Variants in BMPR1B observed in about 807,000 individuals in gnomAD.
BMPR1B encodes bone morphogenetic protein receptor type-1B.
A neutral mutation model predicts 59.1 loss-of-function variants in BMPR1B; 12 were observed. The observed-to-expected ratio is 0.20, with a 90% CI of 0.13 to 0.33. BMPR1B has a LOEUF of 0.33. Ranked by LOEUF, BMPR1B falls within the 10% of genes least tolerant of loss-of-function variation. BMPR1B has a pLI of 1.00. For synonymous variants in BMPR1B, 237 were observed against 207.3 expected (o/e 1.14, Z -1.23); for missense variants, 550 against 610.9 (o/e 0.90, Z 1.05).
intron 3 of BMPR1B, among the ~76,000 whole-genome samples, chr4:95,000,143 T>A (rs1287497357): frequency 6.6e-6 from 1 of 152,162 alleles, no homozygotes; most frequent in Non-Finnish European, 1.5e-5. Flanking sequence ...ATTTAATTAT[T>A]TTTACTTTAG....
chr4:94,837,056 A>G (rs948845027), intron 1 of BMPR1B, among the ~76,000 whole-genome samples: 18 of 143,472 alleles, frequency 1.3e-4, no homozygotes, highest in Non-Finnish European at 1.8e-4. Context: ...TTTGTCAAAG[A>G]TCAGATAGTT....
chr4:94,972,732 C>T (rs1730860408), intron 2 of BMPR1B, among the ~76,000 whole-genome samples: 1 of 152,052 alleles, frequency 6.6e-6, no homozygotes, highest in South Asian at 2.1e-4. Context: ...CTGGATATAA[C>T]TGTTTCTGGA....
intron 2 of BMPR1B, among the ~76,000 whole-genome samples, chr4:94,944,937 C>T (rs1729653665): frequency 6.6e-6 from 1 of 152,108 alleles, no homozygotes; most frequent in Admixed American, 6.5e-5. Flanking sequence ...CTTTTGTGAG[C>T]TTTACATTAT....
At position 95,135,201 on chromosome 4, in the gene BMPR1B, G is replaced by A. The variant is rs184907012; in HGVS notation, c.1076+3689G>A. 2.5e-3 allele frequency among the ~76,000 whole-genome samples: 376 copies of A among 152,208 alleles called. 2 individuals carry two copies. The highest frequency in any genetic ancestry group is 3.9e-3 in the Non-Finnish European group (268 of 68,014). On this transcript the variant is annotated intron_variant, in intron 10 of 12. Coordinates refer to ENST00000515059, the MANE Select transcript of BMPR1B (RefSeq NM_001203.3). The stretch of plus-strand genomic sequence containing the variant: ...GTGTGGTATTATTTCTGAGGCCTCT[G>A]TTCTGTTCCATTGGTCTATATCTCT...
intron 2 of BMPR1B, among the ~76,000 whole-genome samples, chr4:94,885,862 C>T (rs1167698270): frequency 6.6e-6 from 1 of 152,130 alleles, no homozygotes; most frequent in African/African-American, 2.4e-5. Context: ...GCCCTGGTCA[C>T]ACAATCCTGG....
intron 3 of BMPR1B, among the ~76,000 whole-genome samples, chr4:95,053,658 T>C (rs903535194): frequency 6.6e-6 from 1 of 152,106 alleles, no homozygotes; most frequent in Non-Finnish European, 1.5e-5. Flanking sequence ...GAAATGTACA[T>C]TGAGATAGGA....
At chr4:94,892,072 G>A (rs1239295722) in intron 2 of BMPR1B, among the ~76,000 whole-genome samples, 1 of 151,980 alleles carries the variant, frequency 6.6e-6, no homozygotes, top group Non-Finnish European at 1.5e-5. Flanking sequence ...TCTCATTTAG[G>A]GAAATTCACA....
chr4:94,901,920 G>A (rs1313354222), intron 2 of BMPR1B, among the ~76,000 whole-genome samples: 1 of 151,832 alleles, frequency 6.6e-6, no homozygotes, highest in African/African-American at 2.4e-5. Context: ...ACAAAATGGA[G>A]TATAGCAAAG....
At chr4:94,847,206 G>C (rs1725368844) in intron 1 of BMPR1B, among the ~76,000 whole-genome samples, 1 of 152,158 alleles carries the variant, frequency 6.6e-6, no homozygotes, top group Non-Finnish European at 1.5e-5. Context: ...CTGATCAACA[G>C]AGCAATGCAA....
intron 2 of BMPR1B, among the ~76,000 whole-genome samples, chr4:94,957,294 T>C (rs1730175412): frequency 6.6e-6 from 1 of 150,830 alleles, no homozygotes; most frequent in South Asian, 2.1e-4. Context: ...TTCCACTTTA[T>C]GGACACACTG....
rs183366221 is a variant in BMPR1B, at chr4:95,029,707, T to C, written c.-18+33573T>C. Among the ~76,000 whole-genome samples, 446 of 152,254 alleles carry C rather than the reference T, an allele frequency of 2.9e-3. 1 individual carries two copies. Among genetic ancestry groups the C allele is most frequent in the African/African-American group, 0.01 (420 of 41,554 alleles). ...ATCGCCACACTGACTTCCATAATGGTGGAACTAGTTTACAGTCCCACCAAC... is the reference window on the plus strand; with the variant it reads ...ATCGCCACACTGACTTCCATAATGGCGGAACTAGTTTACAGTCCCACCAAC... On this transcript the variant is annotated intron_variant, in intron 3 of 12. Transcript: ENST00000515059.
intron 2 of BMPR1B, among the ~76,000 whole-genome samples, chr4:94,960,987 T>TTAAG (rs1211624480): frequency 6.6e-6 from 1 of 152,152 alleles, no homozygotes; most frequent in African/African-American, 2.4e-5. Flanking sequence ...AAGTCACATG[T>TTAAG]TAAGGCTGGT....
intron 3 of BMPR1B, among the ~76,000 whole-genome samples, chr4:95,046,383 G>A (rs1474553352): frequency 2.0e-5 from 3 of 152,164 alleles, no homozygotes; most frequent in Non-Finnish European, 4.4e-5. Context: ...AGAGAGATTA[G>A]TGAGAGTTGT....
chr4:94,878,543 C>A (rs866050555), intron 2 of BMPR1B, among the ~76,000 whole-genome samples: 23 of 152,132 alleles, frequency 1.5e-4, no homozygotes, highest in Admixed American at 1.0e-3. Context: ...TCCTCATTGG[C>A]TGCTGTGCGT....
intron 1 of BMPR1B, among the ~76,000 whole-genome samples, chr4:94,827,713 ATCTG>A (rs1487785052): frequency 2.0e-5 from 3 of 152,202 alleles, no homozygotes; most frequent in Non-Finnish European, 2.9e-5. Flanking sequence ...ATTTGAAAGT[ATCTG>A]TCTATCCTAT....
chr4:95,123,325 C>G (rs1047139886), intron 6 of BMPR1B, among the ~76,000 whole-genome samples: 3 of 152,124 alleles, frequency 2.0e-5, no homozygotes, highest in African/African-American at 7.2e-5. Flanking sequence ...GGGTCCACTT[C>G]CTTTTTATCC....
In BMPR1B at chr4:94,793,050, G is replaced by T. The variant is rs548976374; in HGVS notation, c.-183+34982G>T. ...TTATTATTATACTTTAAGTTTTAGGGTACATGTGCACATTGTGCAGGTTAG... is the reference window on the plus strand; with the variant it reads ...TTATTATTATACTTTAAGTTTTAGGTTACATGTGCACATTGTGCAGGTTAG... On this transcript the variant is annotated intron_variant, in intron 1 of 12. Coordinates refer to ENST00000515059, the MANE Select transcript of BMPR1B (RefSeq NM_001203.3). Among the ~76,000 whole-genome samples, 5 of 151,430 alleles carry T rather than the reference G, an allele frequency of 3.3e-5. No individual in the cohort carries two copies. In the South Asian group the frequency reaches 8.4e-4, roughly 25 times the overall value.
chr4:95,057,664 C>A (rs1727034361), intron 3 of BMPR1B, among the ~76,000 whole-genome samples: 1 of 151,866 alleles, frequency 6.6e-6, no homozygotes, highest in Admixed American at 6.6e-5. Flanking sequence ...CTCACAGTGT[C>A]TATTATTGTC....
intron 3 of BMPR1B, among the ~76,000 whole-genome samples, chr4:95,003,193 A>G (rs1333232749): frequency 1.3e-5 from 2 of 152,162 alleles, no homozygotes; most frequent in African/African-American, 4.8e-5. Flanking sequence ...TAGAAATGGG[A>G]AAAAATATTT....
Sources: gnomAD v4.1 joint callset for allele counts (sites outside exome capture counted in the v4.1 genomes callset) on GRCh38, gnomAD v4.1.1 for gene constraint, MANE v1.5 for transcripts, NCBI Gene and HGNC (gene_info 2026-07-23, HGNC 2026-07-21) for gene names.